PLCZ1: variants seen among roughly 807,000 people sequenced by gnomAD.
PLCZ1 encodes 1-phosphatidylinositol 4,5-bisphosphate phosphodiesterase zeta-1.
A neutral mutation model predicts 76.8 loss-of-function variants in PLCZ1; 64 were observed. That is an observed-to-expected ratio of 0.83 (90% confidence interval 0.68 to 1.03). The LOEUF is 1.03. Among genes scored for constraint, PLCZ1 ranks in the 50% least tolerant of loss-of-function variants. The pLI, the probability that PLCZ1 is intolerant of heterozygous loss-of-function variation, is 0.00. For synonymous variants in PLCZ1, 248 were observed against 230.8 expected (o/e 1.07, Z -0.68); for missense variants, 751 against 713.7 (o/e 1.05, Z -0.60).
the PLCZ1 span, among the ~76,000 whole-genome samples, chr12:18,651,006 G>A: frequency 6.6e-6 from 1 of 151,740 alleles, no homozygotes; most frequent in African/African-American, 2.4e-5. Flanking sequence ...TCAAAACTCT[G>A]CAGGGGCTTC....
intron 3 of PLCZ1, among the ~76,000 whole-genome samples, chr12:18,731,533 CTTTT>C (rs34568267): frequency 1.1e-4 from 10 of 94,358 alleles, no homozygotes; most frequent in Middle Eastern, 9.6e-3. Context: ...AATAAGCTGT[CTTTT>C]TTTTTTTTTT....
At chr12:18,659,663 C>CTTTT in the PLCZ1 span, among the ~76,000 whole-genome samples, 11,996 of 133,664 alleles carry the variant, frequency 0.09, 567 homozygotes, top group Non-Finnish European at 0.11. Flanking sequence ...GTTCTCCATT[C>CTTTT]TTTTTTTTTT....
the PLCZ1 span, among the ~76,000 whole-genome samples, chr12:18,650,704 G>GTGTATATATCTA: frequency 1.7e-5 from 1 of 57,788 alleles, no homozygotes; most frequent in Non-Finnish European, 4.0e-5. Context: ...GTGTGTGTGT[G>GTGTATATATCTA]TATATATCTA....
chr12:18,733,512 CT>C (rs200602604), intron 3 of PLCZ1, among the ~76,000 whole-genome samples: 1,612 of 152,232 alleles, frequency 0.011, 33 homozygotes, highest in African/African-American at 0.037. Flanking sequence ...GTTTCAATCC[CT>C]TTGGAATCAT....
intron 3 of PLCZ1, among the ~76,000 whole-genome samples, chr12:18,731,503 C>G (rs1018822669): frequency 1.4e-5 from 2 of 142,698 alleles, no homozygotes; most frequent in African/African-American, 5.1e-5. Flanking sequence ...AATACTCTGA[C>G]AACTGTCATT....
chr12:18,692,935 C>T lies in PLCZ1; in HGVS notation c.1461+1975G>A, dbSNP rs113569709. ...GCTGCCAGCAAACTGCCACTGGTGACACCTCACACTCAGTGCCAGTTAAAA... is the reference window on the plus strand; with the variant it reads ...GCTGCCAGCAAACTGCCACTGGTGATACCTCACACTCAGTGCCAGTTAAAA... On this transcript the variant is annotated intron_variant, in intron 12 of 14. Transcript: ENST00000266505. The T allele has an allele frequency of 3.7e-3, 5,722 of 1,538,642 alleles. 203 individuals carry two copies. In the African/African-American group the frequency reaches 0.069, roughly 19 times the overall value.
chr12:18,736,684 G>T, intron 2 of PLCZ1: 1 of 1,290,476 alleles, frequency 7.7e-7, no homozygotes, highest in Non-Finnish European at 1.0e-6. Context: ...CTTCAAGATC[G>T]CCTCTCACCT....
intron 9 of PLCZ1, among the ~76,000 whole-genome samples, chr12:18,701,070 C>T (rs924485422): frequency 9.9e-5 from 15 of 151,826 alleles, no homozygotes; most frequent in African/African-American, 3.1e-4. Context: ...CTGCAACATC[C>T]GCGTCCCAGG....
the PLCZ1 span, among the ~76,000 whole-genome samples, chr12:18,646,913 A>G: frequency 6.6e-6 from 1 of 151,968 alleles, no homozygotes; most frequent in African/African-American, 2.4e-5. Flanking sequence ...TTCCTTTTGA[A>G]AAAAAAAGTC....
intron 6 of PLCZ1, among the ~76,000 whole-genome samples, chr12:18,706,025 G>T (rs1007362419): frequency 1.3e-5 from 2 of 151,898 alleles, no homozygotes; most frequent in African/African-American, 4.8e-5. Context: ...TCAGGAGTTC[G>T]AGACCAGGCT....
intron 13 of PLCZ1, among the ~76,000 whole-genome samples, chr12:18,686,605 T>C (rs1591986079): frequency 6.6e-6 from 1 of 152,034 alleles, no homozygotes; most frequent in East Asian, 1.9e-4. Context: ...CCCCAATCTC[T>C]AAAAAATTCT....
At chr12:18,736,481 G>A in intron 2 of PLCZ1, 137 bp from the exon 3 acceptor site, 1 of 1,192,048 alleles carries the variant, frequency 8.4e-7, no homozygotes, top group Non-Finnish European at 1.1e-6. Flanking sequence ...ATAATTGTAT[G>A]ATAAATATTT....
the PLCZ1 span, among the ~76,000 whole-genome samples, chr12:18,677,277 T>A: frequency 2.0e-5 from 3 of 152,114 alleles, no homozygotes; most frequent in East Asian, 5.8e-4. Context: ...TGAGGAAAGA[T>A]GGCGAGCAAG....
chr12:18,657,003 G>C, the PLCZ1 span, among the ~76,000 whole-genome samples: 1 of 152,088 alleles, frequency 6.6e-6, no homozygotes, highest in Non-Finnish European at 1.5e-5. Context: ...ATATGACAGA[G>C]AGTAAAATAG....
the PLCZ1 span, among the ~76,000 whole-genome samples, chr12:18,675,501 C>G: frequency 2.6e-5 from 4 of 152,178 alleles, no homozygotes; most frequent in Admixed American, 1.3e-4. Flanking sequence ...CCATTCAACT[C>G]TGCAATTCCA....
At chr12:18,694,782 T>C (rs941405193) in intron 12 of PLCZ1, 128 bp downstream of exon 12, 1 of 737,132 alleles carries the variant, frequency 1.4e-6, no homozygotes, top group Non-Finnish European at 2.2e-6. Context: ...TACCCACATA[T>C]AGTACCTGAA....
intron 3 of PLCZ1, among the ~76,000 whole-genome samples, chr12:18,723,747 G>A (rs559756659): frequency 1.3e-5 from 2 of 152,210 alleles, no homozygotes; most frequent in South Asian, 4.1e-4. Flanking sequence ...AAACCCAGTG[G>A]TTATAGGGAT....
At chr12:18,669,957 C>T in the PLCZ1 span, among the ~76,000 whole-genome samples, 5 of 152,022 alleles carry the variant, frequency 3.3e-5, no homozygotes, top group African/African-American at 1.2e-4. Context: ...TGTGAGCCAC[C>T]GCGCCCGGCC....
chr12:18,702,016 A>AT (rs763145997), intron 7 of PLCZ1, among the ~76,000 whole-genome samples: 383 of 151,880 alleles, frequency 2.5e-3, no homozygotes, highest in Non-Finnish European at 3.4e-3. Context: ...ACCATATGCC[A>AT]TTTTTTTTAT....
Sources: gnomAD v4.1 joint callset for allele counts (sites outside exome capture counted in the v4.1 genomes callset) on GRCh38, gnomAD v4.1.1 for gene constraint, MANE v1.5 for transcripts, NCBI Gene and HGNC (gene_info 2026-07-23, HGNC 2026-07-21) for gene names.